Variants in KIRREL3 observed in about 807,000 individuals in gnomAD.
KIRREL3 encodes the protein kirre like nephrin family adhesion molecule 3.
KIRREL3 carries 36 observed loss-of-function variants against 89.7 expected under a neutral mutation model. That is an observed-to-expected ratio of 0.40 (90% CI 0.31 to 0.53). The LOEUF is 0.53. KIRREL3 is among the 20% of genes least tolerant of loss of function. The pLI is 0.49. For synonymous variants in KIRREL3, 445 were observed against 441.4 expected, an observed-to-expected ratio of 1.01 and a Z score of -0.10; for missense variants, 864 against 1,056.6, an observed-to-expected ratio of 0.82 and a Z score of 2.53.
chr11:126,435,196 G>T (rs756976780), intron 13 of KIRREL3, 72 bp downstream of exon 13: 1 of 1,532,452 alleles, frequency 6.5e-7, no homozygotes. Flanking sequence ...CCCCCTGCTG[G>T]GTTCCCTCCC....
chr11:126,468,882 G>C (rs540688536), intron 5 of KIRREL3, among the ~76,000 whole-genome samples: 1 of 152,192 alleles, frequency 6.6e-6, no homozygotes, highest in Non-Finnish European at 1.5e-5. Context: ...GTTATGTTAC[G>C]GATCCCAGGT....
chr11:126,572,566 G>C (rs865885103), intron 1 of KIRREL3, among the ~76,000 whole-genome samples: 38 of 52,196 alleles, frequency 7.3e-4, no homozygotes, highest in Middle Eastern at 0.011. Flanking sequence ...CCAGTGGGAA[G>C]AGGGGACCCC....
intron 1 of KIRREL3, among the ~76,000 whole-genome samples, chr11:126,743,286 C>G (rs1949040154): frequency 6.6e-6 from 1 of 152,170 alleles, no homozygotes; most frequent in African/African-American, 2.4e-5. Context: ...AACGGTGAGC[C>G]TGGACTAGCT....
chr11:126,743,926 C>T (rs1418695961), intron 1 of KIRREL3, among the ~76,000 whole-genome samples: 2 of 152,120 alleles, frequency 1.3e-5, no homozygotes, highest in African/African-American at 2.4e-5. Context: ...ACAGTGTATA[C>T]GTTTCTCAGA....
At position 126,778,931 on chromosome 11, in the gene KIRREL3, A is replaced by G. The variant is rs1950245200; in HGVS notation, c.56-216019T>C. 6.6e-6 allele frequency among the ~76,000 whole-genome samples: 1 copy of G among 152,234 alleles called. No homozygotes were observed. Among genetic ancestry groups the G allele is most frequent in the East Asian group, 1.9e-4 (1 of 5,200 alleles). On this transcript the variant is annotated intron_variant, in intron 1 of 16. Transcript: ENST00000525144. The surrounding 1 kb of genome is among the most constrained non-coding windows in gnomAD (Gnocchi z 4.5). The stretch of plus-strand genomic sequence containing the variant: ...TGCAGTTGTTCACCTGTTTCTGAAC[A>G]CACACACAAGGTAATACATGTAAGA...
chr11:126,701,043 ACGTCAGTGTCTCTTT>A (rs1186824181), intron 1 of KIRREL3, among the ~76,000 whole-genome samples: 2 of 152,236 alleles, frequency 1.3e-5, no homozygotes, highest in Admixed American at 6.5e-5. Flanking sequence ...GCCTGAACAT[ACGTCAGTGTCTCTTT>A]GCAGAAACCA....
intron 7 of KIRREL3, among the ~76,000 whole-genome samples, chr11:126,451,014 CAT>C (rs952478648): frequency 5.3e-4 from 71 of 134,478 alleles, no homozygotes; most frequent in African/African-American, 9.1e-4. Flanking sequence ...CACGTGAGTG[CAT>C]GTGTCCATGT....
intron 4 of KIRREL3, among the ~76,000 whole-genome samples, chr11:126,506,183 T>C (rs1280032185): frequency 6.6e-6 from 1 of 152,184 alleles, no homozygotes; most frequent in Non-Finnish European, 1.5e-5. Flanking sequence ...AGTAAATCTT[T>C]GTGACCTTTG....
In KIRREL3 at chr11:126,995,704, T is replaced by C. The variant is rs755719065; in HGVS notation, c.55+4751A>G. Among the ~76,000 whole-genome samples, 3 of 152,220 alleles carry C rather than the reference T, an allele frequency of 2.0e-5. No homozygotes were observed. Among genetic ancestry groups the C allele is most frequent in the Non-Finnish European group, 4.4e-5 (3 of 68,040 alleles). Reference sequence around the variant, plus strand: ...CCACAAATCAAAGGTATCATTAGTATTGTTATTATTTTGCTATTGAAATCT... The same window carrying C: ...CCACAAATCAAAGGTATCATTAGTACTGTTATTATTTTGCTATTGAAATCT... On this transcript the variant is annotated intron_variant, in intron 1 of 16. Coordinates refer to ENST00000525144, the MANE Select transcript of KIRREL3 (RefSeq NM_032531.4). The surrounding 1 kb of genome is among the most constrained non-coding windows in gnomAD (Gnocchi z 6.5).
rs1401645287 is a variant in KIRREL3 at position 126,931,037 on chromosome 11, G to T, written c.55+69418C>A. 6.6e-6 allele frequency among the ~76,000 whole-genome samples: 1 copy of T among 152,200 alleles called. No individual in the cohort carries two copies. The highest frequency in any genetic ancestry group is 2.4e-5 in the African/African-American group (1 of 41,444). On this transcript the variant is annotated intron_variant, in intron 1 of 16. Coordinates refer to ENST00000525144, the MANE Select transcript of KIRREL3 (RefSeq NM_032531.4). This position sits in a 1 kb window ranked among gnomAD's most constrained non-coding sequence, Gnocchi z 5.1. ...CATCTCCCACTCTCACACAGGACGAGTGTAGACAGCACCTTCTCTCAGAAA... is the reference window on the plus strand; with the variant it reads ...CATCTCCCACTCTCACACAGGACGATTGTAGACAGCACCTTCTCTCAGAAA...
intron 4 of KIRREL3, among the ~76,000 whole-genome samples, chr11:126,514,555 T>G (rs1182231600): frequency 6.6e-6 from 1 of 152,216 alleles, no homozygotes; most frequent in Non-Finnish European, 1.5e-5. Context: ...GTTATAATAC[T>G]AGCAGCCAAT....
At position 126,737,601 on chromosome 11, in the gene KIRREL3, G is replaced by C. The variant is rs1352985324; in HGVS notation, c.56-174689C>G. ...GGCAGTAATACCCGTGCTGGATAAAGTGAGAGACTCTCGAGACACACAGTA... is the reference window on the plus strand; with the variant it reads ...GGCAGTAATACCCGTGCTGGATAAACTGAGAGACTCTCGAGACACACAGTA... On this transcript the variant is annotated intron_variant, in intron 1 of 16. Coordinates refer to ENST00000525144, the MANE Select transcript of KIRREL3 (RefSeq NM_032531.4). 3.3e-5 allele frequency among the ~76,000 whole-genome samples: 5 copies of C among 152,204 alleles called. No homozygotes were observed. The South Asian group carries it at 1.0e-3, about 31-fold the overall frequency.
At chr11:126,497,237 AGT>A (rs1219783724) in intron 4 of KIRREL3, among the ~76,000 whole-genome samples, 2 of 150,164 alleles carry the variant, frequency 1.3e-5, no homozygotes, top group African/African-American at 4.9e-5. Flanking sequence ...TGTGTGAGAC[AGT>A]GTGAGTGTGT....
intron 2 of KIRREL3, among the ~76,000 whole-genome samples, chr11:126,546,179 A>G (rs928203265): frequency 6.6e-6 from 1 of 152,248 alleles, no homozygotes; most frequent in African/African-American, 2.4e-5. Flanking sequence ...TCCATGAATA[A>G]TAACACTTCC....
rs1001426903 is a variant in KIRREL3 at position 126,430,581 on chromosome 11, G to T, written c.1696+838C>A. 2.0e-5 allele frequency among the ~76,000 whole-genome samples: 3 copies of T among 152,242 alleles called. No homozygotes were observed. The highest frequency in any genetic ancestry group is 4.4e-5 in the Non-Finnish European group (3 of 68,042). On this transcript the variant is annotated intron_variant, in intron 14 of 16. Coordinates refer to ENST00000525144, the MANE Select transcript of KIRREL3 (RefSeq NM_032531.4). The surrounding 1 kb of genome is among the most constrained non-coding windows in gnomAD (Gnocchi z 6.6). ...TGGGGTGGTCTTGAGAGCCAAGGCT[G>T]CTTAGCTCGGAGTGCAGAAAATGCA...
intron 4 of KIRREL3, among the ~76,000 whole-genome samples, chr11:126,502,754 C>G (rs1957900697): frequency 6.6e-6 from 1 of 152,226 alleles, no homozygotes; most frequent in African/African-American, 2.4e-5. Flanking sequence ...CGATTTGCAT[C>G]TCCAAAAGGT....
At position 126,977,232 on chromosome 11, in the gene KIRREL3, C is replaced by A. The variant is rs563100756; in HGVS notation, c.55+23223G>T. ...GTGCCCCGCCTGCCATCTTTTGTAC[C>A]TTTTTTTCAAAACTGAGCTCCTTGG... On this transcript the variant is annotated intron_variant, in intron 1 of 16. Coordinates refer to ENST00000525144, the MANE Select transcript of KIRREL3 (RefSeq NM_032531.4). This position sits in a 1 kb window ranked among gnomAD's most constrained non-coding sequence, Gnocchi z 4.7. Among the ~76,000 whole-genome samples the A allele has an allele frequency of 5.3e-5, 8 of 152,192 alleles. No homozygotes were observed. In the South Asian group the frequency reaches 1.7e-3, roughly 32 times the overall value.
At chr11:126,632,751 A>G (rs1340244449) in intron 1 of KIRREL3, among the ~76,000 whole-genome samples, 2 of 6,204 alleles carry the variant, frequency 3.2e-4, no homozygotes, top group Admixed American at 1.4e-3. Context: ...CTCCTCATCA[A>G]TTTTTATCTC....
chr11:126,481,517 C>T (rs892509464), intron 4 of KIRREL3, among the ~76,000 whole-genome samples: 1 of 152,240 alleles, frequency 6.6e-6, no homozygotes, highest in Non-Finnish European at 1.5e-5. Context: ...CCGCCTCTCC[C>T]AGACACCCAT....
Sources: allele counts gnomAD v4.1 joint callset (sites outside exome capture counted in the v4.1 genomes callset), GRCh38; gene constraint gnomAD v4.1.1; non-coding constraint Gnocchi (gnomAD v3.1); transcripts MANE v1.5; gene names NCBI Gene and HGNC (gene_info 2026-07-23, HGNC 2026-07-21).